GRM8: variants seen among roughly 807,000 people sequenced by gnomAD.
GRM8 encodes the protein metabotropic glutamate receptor 8.
In GRM8, 47 loss-of-function variants were observed where a neutral mutation model predicts 87.2. That is an observed-to-expected ratio of 0.54 (90% CI 0.43 to 0.69). GRM8 has a LOEUF of 0.69. GRM8 is among the 30% of genes least tolerant of loss of function. The pLI is 0.00. For synonymous variants in GRM8, 396 were observed against 404.5 expected (o/e 0.98, Z 0.25); for missense variants, 1,019 against 1,139.2 (o/e 0.89, Z 1.52).
chr7:126,745,981 T>C (rs1376042205), intron 7 of GRM8, among the ~76,000 whole-genome samples: 1 of 151,786 alleles, frequency 6.6e-6, no homozygotes, highest in Non-Finnish European at 1.5e-5. Flanking sequence ...AATTCTCTTT[T>C]GATTTGGATA....
chr7:126,758,307 A>G (rs530314866), intron 7 of GRM8, among the ~76,000 whole-genome samples: 1 of 152,348 alleles, frequency 6.6e-6, no homozygotes, highest in East Asian at 1.9e-4. Flanking sequence ...TGCTCACAAT[A>G]AAGCTATGAG....
At chr7:126,954,561 G>T (rs1434846933) in intron 3 of GRM8, among the ~76,000 whole-genome samples, 1 of 152,114 alleles carries the variant, frequency 6.6e-6, no homozygotes, top group Non-Finnish European at 1.5e-5. Flanking sequence ...CCCCTTATGA[G>T]AAATAGGTGA....
At chr7:127,156,277 C>A (rs953843846) in intron 2 of GRM8, among the ~76,000 whole-genome samples, 2 of 152,104 alleles carry the variant, frequency 1.3e-5, no homozygotes, top group African/African-American at 4.8e-5. Context: ...CACCAGCCCA[C>A]CTTCGTAGCA....
At chr7:127,024,680 T>C (rs1170063106) in intron 3 of GRM8, among the ~76,000 whole-genome samples, 2 of 152,042 alleles carry the variant, frequency 1.3e-5, no homozygotes, top group Non-Finnish European at 2.9e-5. Context: ...CCTGACCTCA[T>C]CACATATCAG....
intron 9 of GRM8, among the ~76,000 whole-genome samples, chr7:126,477,095 T>C (rs971772970): frequency 1.3e-5 from 2 of 152,132 alleles, no homozygotes; most frequent in African/African-American, 2.4e-5. Context: ...TGGTACAACA[T>C]GGATGAACTT....
intron 7 of GRM8, 38 bp from the exon 8 acceptor site, chr7:126,609,536 G>A (rs1444395880): frequency 2.6e-6 from 4 of 1,540,144 alleles, no homozygotes; most frequent in Non-Finnish European, 1.8e-6. Context: ...TAAAGTTTTA[G>A]TAAGATAGCC....
At chr7:126,811,462 C>G (rs1468673452) in intron 6 of GRM8, among the ~76,000 whole-genome samples, 2 of 151,764 alleles carry the variant, frequency 1.3e-5, no homozygotes, top group Non-Finnish European at 2.9e-5. Flanking sequence ...GTAGTATGGT[C>G]ATTTTAATGA....
intron 9 of GRM8, among the ~76,000 whole-genome samples, chr7:126,453,197 C>A (rs910659937): frequency 1.3e-5 from 2 of 151,472 alleles, no homozygotes; most frequent in African/African-American, 2.4e-5. Context: ...GAATTATAGT[C>A]CAATTTAACT....
chr7:126,678,945 T>C (rs1272597289), intron 7 of GRM8, among the ~76,000 whole-genome samples: 1 of 152,252 alleles, frequency 6.6e-6, no homozygotes, highest in African/African-American at 2.4e-5. Context: ...AAATCATTAA[T>C]AAGAAATTAA....
At chr7:127,236,437 T>A (rs1035246978) in intron 2 of GRM8, among the ~76,000 whole-genome samples, 1 of 152,194 alleles carries the variant, frequency 6.6e-6, no homozygotes, top group Non-Finnish European at 1.5e-5. Context: ...CTCATAATTA[T>A]GGCAGAAGGC....
At chr7:127,047,481 T>C (rs17863192) in intron 3 of GRM8, among the ~76,000 whole-genome samples, 1,926 of 152,148 alleles carry the variant, frequency 0.013, 39 homozygotes, top group East Asian at 0.096. Flanking sequence ...TCTCTCTTCT[T>C]CCCCCTTTCT....
intron 7 of GRM8, among the ~76,000 whole-genome samples, chr7:126,695,427 C>G (rs1425742132): frequency 6.6e-6 from 1 of 152,084 alleles, no homozygotes; most frequent in Non-Finnish European, 1.5e-5. Flanking sequence ...AACGGAAGTA[C>G]TGAATTACAA....
At chr7:126,657,843 T>C (rs1804706193) in intron 7 of GRM8, among the ~76,000 whole-genome samples, 1 of 152,218 alleles carries the variant, frequency 6.6e-6, no homozygotes. Context: ...CGCTGAGTGA[T>C]TTAAAGCGTG....
intron 9 of GRM8, among the ~76,000 whole-genome samples, chr7:126,485,712 G>A (rs984981908): frequency 1.3e-5 from 2 of 151,746 alleles, no homozygotes; most frequent in African/African-American, 4.8e-5. Context: ...TAACCTTTTC[G>A]GCCTGAGAAC....
chr7:126,978,940 A>G (rs1811268013), intron 3 of GRM8, among the ~76,000 whole-genome samples: 1 of 152,228 alleles, frequency 6.6e-6, no homozygotes. Flanking sequence ...GTCCTCTGCT[A>G]TACTGGCCGA....
rs1040872304 is a variant in GRM8 at position 126,947,475 on chromosome 7, G to A, written c.728-42792C>T. 9.2e-5 allele frequency among the ~76,000 whole-genome samples: 14 copies of A among 152,040 alleles called. No individual in the cohort carries two copies. The East Asian group carries it at 2.3e-3, about 25-fold the overall frequency. On this transcript the variant is annotated intron_variant, in intron 3 of 10. Transcript: ENST00000339582. The stretch of plus-strand genomic sequence containing the variant: ...TGCTTCAGACCAGTGCTGGGATTTT[G>A]AGCAAGTAACTTAATTTATATTTTA...
At chr7:126,579,910 T>C (rs957147709) in intron 8 of GRM8, among the ~76,000 whole-genome samples, 15 of 152,090 alleles carry the variant, frequency 9.9e-5, no homozygotes, top group African/African-American at 3.6e-4. Flanking sequence ...CCTAAATTCC[T>C]TAAAATGAGA....
intron 2 of GRM8, among the ~76,000 whole-genome samples, chr7:127,152,125 AAGAC>A (rs1191873176): frequency 6.6e-6 from 1 of 152,154 alleles, no homozygotes; most frequent in Non-Finnish European, 1.5e-5. Flanking sequence ...GGAAGACAGC[AAGAC>A]AGACAGAGTG....
At chr7:126,882,366 T>C (rs545949143) in intron 6 of GRM8, among the ~76,000 whole-genome samples, 2 of 152,276 alleles carry the variant, frequency 1.3e-5, no homozygotes, top group South Asian at 4.2e-4. Context: ...AGCCAAAATA[T>C]AACATGAACA....
Sources: allele counts gnomAD v4.1 joint callset (sites outside exome capture counted in the v4.1 genomes callset), GRCh38; gene constraint gnomAD v4.1.1; transcripts MANE v1.5; gene names NCBI Gene and HGNC (gene_info 2026-07-23, HGNC 2026-07-21).